The following IGFL2 variants were observed in gnomAD, a reference collection of about 807,000 sequenced individuals.
IGFL2 encodes IGF like family member 2, also known as insulin growth factor-like family member 2.
IGFL2 carries 7 observed loss-of-function variants against 13.9 expected under a neutral mutation model. The ratio of observed to expected loss-of-function variants is 0.51; its 90% CI spans 0.29 to 0.95. IGFL2 has a LOEUF of 0.95. Among genes scored for constraint, IGFL2 ranks in the 40% least tolerant of loss-of-function variants. The pLI, the probability that IGFL2 is intolerant of heterozygous loss-of-function variation, is 0.08. For synonymous variants in IGFL2, 55 were observed against 55.8 expected (o/e 0.99, Z 0.07); for missense variants, 138 against 147.8 (o/e 0.93, Z 0.34).
At chr19:46,170,922 G>C in the IGFL2 span, among the ~76,000 whole-genome samples, 3 of 152,270 alleles carry the variant, frequency 2.0e-5, no homozygotes, top group African/African-American at 7.2e-5. Flanking sequence ...GTTTCACCCT[G>C]ACCTTGTGAT....
At chr19:46,189,142 G>T in the IGFL2 span, 1 of 159,532 alleles carries the variant, frequency 6.3e-6, no homozygotes, top group South Asian at 1.9e-4. Context: ...CAAGGGGGCA[G>T]GGTGAGCAGT....
chr19:46,167,105 A>G, the IGFL2 span, among the ~76,000 whole-genome samples: 2 of 152,230 alleles, frequency 1.3e-5, no homozygotes, highest in African/African-American at 4.8e-5. Context: ...GATTGCAGTG[A>G]AGATAGGCAT....
At chr19:46,158,077 A>T (rs1414652279) in intron 1 of IGFL2, among the ~76,000 whole-genome samples, 4 of 152,232 alleles carry the variant, frequency 2.6e-5, no homozygotes, top group African/African-American at 7.2e-5. Flanking sequence ...ATCTAACAAA[A>T]CATGTACAGG....
At chr19:46,168,077 C>T in the IGFL2 span, among the ~76,000 whole-genome samples, 1,223 of 152,250 alleles carry the variant, frequency 8.0e-3, 18 homozygotes, top group African/African-American at 0.028. Flanking sequence ...CCGAGGACTA[C>T]GGGCACATAC....
chr19:46,158,721 ATCT>A (rs1275136639), intron 1 of IGFL2, among the ~76,000 whole-genome samples: 1 of 152,120 alleles, frequency 6.6e-6, no homozygotes, highest in Non-Finnish European at 1.5e-5. Flanking sequence ...CAGATTCTTG[ATCT>A]TCTTAGGCTT....
At chr19:46,161,868 C>G (rs1441213524), downstream of IGFL2, among the ~76,000 whole-genome samples, 1 of 152,148 alleles carries the variant, frequency 6.6e-6, no homozygotes, top group African/African-American at 2.4e-5. Flanking sequence ...GTGCTGTTAG[C>G]TGGTTATTAT....
chr19:46,119,044 T>G, the IGFL2 span, among the ~76,000 whole-genome samples: 1 of 151,992 alleles, frequency 6.6e-6, no homozygotes, highest in Non-Finnish European at 1.5e-5. Flanking sequence ...GATCTCTGTT[T>G]TGTCTGGTCA....
chr19:46,157,781 G>A (rs1291345732), intron 1 of IGFL2, among the ~76,000 whole-genome samples: 1 of 152,014 alleles, frequency 6.6e-6, no homozygotes, highest in African/African-American at 2.4e-5. Flanking sequence ...TTCTAACCAG[G>A]GCAATAAGTC....
rs184258641 is a variant in IGFL2, at chr19:46,157,971, A to G, written c.20-2444A>G. Among the ~76,000 whole-genome samples, 604 of 152,326 alleles carry G rather than the reference A, an allele frequency of 4.0e-3. 3 individuals are homozygous for G. The highest frequency in any genetic ancestry group is 0.012 in the African/African-American group (516 of 41,556). ...TGCAAGATCAACATAGAAAAAATCA[A>G]TCGTGTTTCTTTATACCAATAATGA... On this transcript the variant is annotated intron_variant, in intron 1 of 3. Transcript: ENST00000377693.
At chr19:46,154,007 G>T (rs1973667220) in intron 1 of IGFL2, among the ~76,000 whole-genome samples, 1 of 151,714 alleles carries the variant, frequency 6.6e-6, no homozygotes, top group Admixed American at 6.6e-5. Context: ...ACCCTGACAG[G>T]CCCCTGGGTG....
At chr19:46,123,734 G>T in the IGFL2 span, 1 of 826,418 alleles carries the variant, frequency 1.2e-6, no homozygotes, top group Non-Finnish European at 1.9e-6. Context: ...CAGACTTATA[G>T]CTTATCTGCT....
chr19:46,174,346 T>C, the IGFL2 span, among the ~76,000 whole-genome samples: 1 of 152,310 alleles, frequency 6.6e-6, no homozygotes, highest in Non-Finnish European at 1.5e-5. Flanking sequence ...CCCGCCCTTG[T>C]GGCTGGCTCT....
the IGFL2 span, among the ~76,000 whole-genome samples, chr19:46,103,896 T>G: frequency 2.0e-5 from 3 of 152,180 alleles, no homozygotes; most frequent in Non-Finnish European, 2.9e-5. Flanking sequence ...GATCAGGCTG[T>G]CTGTCTGACA....
At chr19:46,117,848 T>G in the IGFL2 span, among the ~76,000 whole-genome samples, 1 of 152,130 alleles carries the variant, frequency 6.6e-6, no homozygotes, top group African/African-American at 2.4e-5. Flanking sequence ...TAGCACTTCT[T>G]CCTGCAGGAA....
intron 1 of IGFL2, among the ~76,000 whole-genome samples, chr19:46,157,584 T>C (rs969986032): frequency 1.3e-5 from 2 of 152,158 alleles, no homozygotes; most frequent in Admixed American, 6.5e-5. Flanking sequence ...TAACACCCAT[T>C]CGTGATTTTA....
At chr19:46,166,863 T>C in the IGFL2 span, among the ~76,000 whole-genome samples, 2 of 152,260 alleles carry the variant, frequency 1.3e-5, no homozygotes, top group African/African-American at 4.8e-5. Context: ...ATTCGCTGAA[T>C]AATTGCTGTT....
chr19:46,120,431 A>G, the IGFL2 span: 12 of 1,596,730 alleles, frequency 7.5e-6, no homozygotes, highest in African/African-American at 6.8e-5. Flanking sequence ...TACAAAAGCA[A>G]TTTTAACAAA....
chr19:46,092,497 T>A, the IGFL2 span, among the ~76,000 whole-genome samples: 1 of 151,988 alleles, frequency 6.6e-6, no homozygotes, highest in African/African-American at 2.4e-5. Flanking sequence ...CTGGGCTTGG[T>A]GATGTGCGCT....
chr19:46,130,009 G>A, the IGFL2 span, among the ~76,000 whole-genome samples: 3 of 152,134 alleles, frequency 2.0e-5, no homozygotes, highest in African/African-American at 7.2e-5. Flanking sequence ...CTCTTTGAAG[G>A]TCTCAAAGAG....
Sources: allele counts gnomAD v4.1 joint callset (sites outside exome capture counted in the v4.1 genomes callset), GRCh38; gene constraint gnomAD v4.1.1; transcripts MANE v1.5; gene names NCBI Gene and HGNC (gene_info 2026-07-23, HGNC 2026-07-21).